IL1RAPL2: variants seen among roughly 807,000 people sequenced by gnomAD.
IL1RAPL2 encodes the protein interleukin 1 receptor accessory protein like 2.
In IL1RAPL2, 3 loss-of-function variants were observed where a neutral mutation model predicts 44.1. That is an observed-to-expected ratio of 0.07 (90% CI 0.03 to 0.18). The LOEUF (loss-of-function observed/expected upper bound fraction) is 0.18. Among genes scored for constraint, IL1RAPL2 ranks in the 10% least tolerant of loss-of-function variants. IL1RAPL2 has a pLI of 1.00. For missense variants in IL1RAPL2, 391 were observed against 496.4 expected, an observed-to-expected ratio of 0.79 and a Z score of 2.02; for synonymous variants, 181 against 178.8, an observed-to-expected ratio of 1.01 and a Z score of -0.10.
intron 2 of IL1RAPL2, among the ~76,000 whole-genome samples, chrX:104,955,542 CATATAT>C (rs986095716): frequency 9.4e-6 from 1 of 106,397 alleles, no homozygotes; most frequent in Non-Finnish European, 1.9e-5. Flanking sequence ...ATATTATACT[CATATAT>C]ATATATTATA....
intron 2 of IL1RAPL2, among the ~76,000 whole-genome samples, chrX:104,785,849 C>T (rs1932795488): frequency 8.9e-6 from 1 of 112,084 alleles, no homozygotes; most frequent in South Asian, 3.7e-4. Flanking sequence ...AAGCAAATGT[C>T]GTGCATGCTT....
chrX:105,472,051 GGGGAAGT>G (rs1451320735), intron 5 of IL1RAPL2, among the ~76,000 whole-genome samples: 1 of 110,221 alleles, frequency 9.1e-6, no homozygotes, highest in African/African-American at 3.3e-5. Flanking sequence ...GGATGAGGTT[GGGGAAGT>G]GAGGGGTGGG....
chrX:104,906,893 G>A (rs369259810), intron 2 of IL1RAPL2, among the ~76,000 whole-genome samples: 1 of 111,744 alleles, frequency 8.9e-6, no homozygotes, highest in East Asian at 2.8e-4. Context: ...GTTCCTCCTT[G>A]TACCTCTCAT....
chrX:105,255,188 C>T (rs2034304428), intron 4 of IL1RAPL2, among the ~76,000 whole-genome samples: 1 of 111,329 alleles, frequency 9.0e-6, no homozygotes, highest in Non-Finnish European at 1.9e-5. Flanking sequence ...GGATGTTTTT[C>T]CATTTTTTTG....
At chrX:104,975,181 G>C (rs2013429006) in intron 2 of IL1RAPL2, among the ~76,000 whole-genome samples, 1 of 111,319 alleles carries the variant, frequency 9.0e-6, no homozygotes, top group Admixed American at 9.5e-5. Context: ...GACAGGAGCA[G>C]ATTGAATAAT....
At chrX:104,880,012 C>T (rs967353005) in intron 2 of IL1RAPL2, among the ~76,000 whole-genome samples, 1 of 111,159 alleles carries the variant, frequency 9.0e-6, no homozygotes, top group African/African-American at 3.3e-5. Flanking sequence ...GAGTTGATTG[C>T]TTGGTAATCA....
rs752343482 is a variant in IL1RAPL2, at chrX:104,781,946, AG to A, written c.82+122952del. On this transcript the variant is annotated intron_variant, in intron 2 of 10. Coordinates refer to ENST00000372582, the MANE Select transcript of IL1RAPL2 (RefSeq NM_017416.2). Reference sequence around the variant, plus strand: ...GGGCTCCAACCTCACAAGTGGGATTAGTGCCCTTATAAAAGAGGTTCAAGGG... The same window carrying A: ...GGGCTCCAACCTCACAAGTGGGATTATGCCCTTATAAAAGAGGTTCAAGGG... Among the ~76,000 whole-genome samples the A allele has an allele frequency of 2.7e-5, 3 of 111,471 alleles. No homozygotes were observed. The South Asian group carries it at 1.2e-3, about 43-fold the overall frequency.
intron 7 of IL1RAPL2, among the ~76,000 whole-genome samples, chrX:105,740,186 C>T (rs368343438): frequency 9.0e-6 from 1 of 110,720 alleles, no homozygotes; most frequent in Non-Finnish European, 1.9e-5. Flanking sequence ...AATAGAGACA[C>T]AAAAAACCCT....
At chrX:105,074,003 C>A (rs2032249650) in intron 2 of IL1RAPL2, among the ~76,000 whole-genome samples, 1 of 111,549 alleles carries the variant, frequency 9.0e-6, no homozygotes, top group Admixed American at 9.5e-5. Context: ...CCTGTTCACT[C>A]TGATGGTGGT....
chrX:105,001,026 T>A (rs1251584438), intron 2 of IL1RAPL2, among the ~76,000 whole-genome samples: 2 of 111,444 alleles, frequency 1.8e-5, no homozygotes, highest in Non-Finnish European at 3.8e-5. Context: ...TTGCAGTAAG[T>A]CATCCTTCTT....
chrX:105,219,383 C>T (rs782232598), intron 3 of IL1RAPL2: 35 of 1,208,414 alleles, frequency 2.9e-5, no homozygotes, highest in Admixed American at 2.0e-4. Context: ...GTGGCTGTTT[C>T]GACCGACCGG....
Position 105,102,720 on chromosome X carries a change from G to A in IL1RAPL2, c.83-92755G>A, listed in dbSNP as rs757227405. Among the ~76,000 whole-genome samples, 4 of 111,679 alleles carry A rather than the reference G, an allele frequency of 3.6e-5. No individual in the cohort carries two copies. In the South Asian group the frequency reaches 1.1e-3, roughly 31 times the overall value. ...ATTGGTTCTCATTATTATGGAGGCT[G>A]GTAAGTCCTATAATCTGCTGTCTGT... On this transcript the variant is annotated intron_variant, in intron 2 of 10. Coordinates refer to ENST00000372582, the MANE Select transcript of IL1RAPL2 (RefSeq NM_017416.2).
At chrX:105,684,189 G>A (rs1425613634) in intron 6 of IL1RAPL2, among the ~76,000 whole-genome samples, 1 of 112,296 alleles carries the variant, frequency 8.9e-6, no homozygotes, top group African/African-American at 3.2e-5. Flanking sequence ...GTTGGACAGT[G>A]GGTGCAGCCT....
intron 2 of IL1RAPL2, among the ~76,000 whole-genome samples, chrX:105,076,004 C>T (rs1379617442): frequency 7.7e-4 from 86 of 111,639 alleles, no homozygotes; most frequent in Middle Eastern, 4.6e-3. Context: ...CTCCTGGATT[C>T]ATTGATTTTT....
intron 6 of IL1RAPL2, among the ~76,000 whole-genome samples, chrX:105,651,798 C>G (rs1569461929): frequency 9.0e-6 from 1 of 111,562 alleles, no homozygotes; most frequent in Non-Finnish European, 1.9e-5. Context: ...GTGTTTACTC[C>G]CCTGTGAAGA....
At chrX:105,633,829 AT>A (rs1158561184) in intron 6 of IL1RAPL2, among the ~76,000 whole-genome samples, 1 of 111,480 alleles carries the variant, frequency 9.0e-6, no homozygotes, top group East Asian at 2.8e-4. Context: ...TTGGTTTTGG[AT>A]TTGAGCCTAG....
At chrX:104,581,454 T>C (rs2147991940) in intron 1 of IL1RAPL2, among the ~76,000 whole-genome samples, 1 of 112,070 alleles carries the variant, frequency 8.9e-6, no homozygotes, top group Non-Finnish European at 1.9e-5. Context: ...ATGCTTCTAA[T>C]CTCTTCATAT....
At chrX:104,890,475 T>G (rs910432194) in intron 2 of IL1RAPL2, among the ~76,000 whole-genome samples, 4 of 112,208 alleles carry the variant, frequency 3.6e-5, no homozygotes, top group Non-Finnish European at 7.5e-5. Flanking sequence ...TCCTGACTTT[T>G]TAATAGTTGC....
At chrX:104,761,933 CT>C (rs1932458851) in intron 2 of IL1RAPL2, among the ~76,000 whole-genome samples, 1 of 44,694 alleles carries the variant, frequency 2.2e-5, no homozygotes, top group Non-Finnish European at 3.9e-5. Context: ...CCTTCTTCTT[CT>C]TCTTCTTCTT....
Sources: allele counts gnomAD v4.1 joint callset (sites outside exome capture counted in the v4.1 genomes callset), GRCh38; gene constraint gnomAD v4.1.1; transcripts MANE v1.5; gene names NCBI Gene and HGNC (gene_info 2026-07-23, HGNC 2026-07-21).